MROH9: variants seen among roughly 807,000 people sequenced by gnomAD.
The protein encoded by MROH9 is maestro heat like repeat family member 9.
Under a neutral mutation model 98.2 loss-of-function variants are expected in MROH9, and 92 were observed. The ratio of observed to expected loss-of-function variants is 0.94; its 90% confidence interval spans 0.79 to 1.11. MROH9 has a LOEUF of 1.11. Ranked by LOEUF, MROH9 falls within the 50% of genes most tolerant of loss-of-function variation. MROH9 has a pLI of 0.00. For synonymous variants in MROH9, 397 were observed against 368.9 expected (o/e 1.08, Z -0.87); for missense variants, 1,057 against 1,014.8 (o/e 1.04, Z -0.57).
At chr1:171,046,184 C>A (rs914983025) in intron 20 of MROH9, among the ~76,000 whole-genome samples, 2 of 151,984 alleles carry the variant, frequency 1.3e-5, no homozygotes, top group African/African-American at 4.8e-5. Context: ...CTATGTGTGT[C>A]TTTATAGGTG....
chr1:170,944,767 T>C (rs1456994837), intron 1 of MROH9, among the ~76,000 whole-genome samples: 1 of 151,970 alleles, frequency 6.6e-6, no homozygotes, highest in African/African-American at 2.4e-5. Flanking sequence ...ATGTGGTAAG[T>C]AGAATTTTAA....
intron 9 of MROH9, among the ~76,000 whole-genome samples, chr1:170,984,823 G>A (rs1402601316): frequency 2.0e-5 from 3 of 152,144 alleles, no homozygotes; most frequent in African/African-American, 7.2e-5. Context: ...AACAGTAGCT[G>A]GAAAACCTGG....
chr1:170,988,688 T>C (rs1431052875), intron 10 of MROH9, among the ~76,000 whole-genome samples: 2 of 152,194 alleles, frequency 1.3e-5, no homozygotes, highest in African/African-American at 4.8e-5. Flanking sequence ...AAATGAGTTA[T>C]AAGGCTAAAA....
At chr1:170,945,836 T>G (rs56080155) in intron 2 of MROH9, among the ~76,000 whole-genome samples, 1 of 152,008 alleles carries the variant, frequency 6.6e-6, no homozygotes, top group African/African-American at 2.4e-5. Context: ...TAGAAACTAG[T>G]GATGAATTCA....
At chr1:170,998,499 T>A in intron 15 of MROH9, 1 of 1,479,668 alleles carries the variant, frequency 6.8e-7, no homozygotes, top group Non-Finnish European at 8.9e-7. Context: ...TTTCTCTGTT[T>A]CTAGGGGTGT....
At chr1:170,960,310 G>A (rs948629169) in intron 5 of MROH9, among the ~76,000 whole-genome samples, 1 of 152,114 alleles carries the variant, frequency 6.6e-6, no homozygotes, top group Non-Finnish European at 1.5e-5. Flanking sequence ...GCTACCTGAG[G>A]ATACCCAGAG....
chr1:170,991,953 A>G (rs1287260518), intron 11 of MROH9, among the ~76,000 whole-genome samples: 1 of 152,140 alleles, frequency 6.6e-6, no homozygotes, highest in African/African-American at 2.4e-5. Context: ...ATTTTCCATA[A>G]GGTTTTATTT....
intron 20 of MROH9, among the ~76,000 whole-genome samples, chr1:171,059,994 GAGAA>G (rs1310675267): frequency 6.6e-6 from 1 of 151,578 alleles, no homozygotes; most frequent in Non-Finnish European, 1.5e-5. Flanking sequence ...ATGATGGAAA[GAGAA>G]AGAAAATAAA....
chr1:171,024,383 T>C lies in MROH9; in HGVS notation c.1909-12T>C, dbSNP rs1044901821. On this transcript the variant is annotated splice_polypyrimidine_tract_variant and intron_variant, in intron 17 of 21. Transcript: ENST00000367759. ...TAATATTATCCTCAAATAAGGCCTT[T>C]GTCTTTTACAGATTAATGGAGGCAT... 17 of 1,550,752 alleles carry C rather than the reference T, an allele frequency of 1.1e-5. No homozygotes were observed. Among genetic ancestry groups the C allele is most frequent in the Admixed American group, 3.9e-5 (2 of 50,906 alleles).
intron 3 of MROH9, among the ~76,000 whole-genome samples, chr1:170,952,213 CTA>C (rs1287424016): frequency 6.6e-6 from 1 of 151,836 alleles, no homozygotes; most frequent in Non-Finnish European, 1.5e-5. Flanking sequence ...GGATCTAGAA[CTA>C]GAAATACCAT....
At chr1:170,935,850 G>T (rs1198044258) in intron 1 of MROH9, among the ~76,000 whole-genome samples, 1 of 151,568 alleles carries the variant, frequency 6.6e-6, no homozygotes, top group East Asian at 1.9e-4. Context: ...AAATTAGCTG[G>T]GTGTGGTGGC....
chr1:171,051,733 C>T (rs1653670491), intron 20 of MROH9, among the ~76,000 whole-genome samples: 1 of 152,050 alleles, frequency 6.6e-6, no homozygotes, highest in Non-Finnish European at 1.5e-5. Flanking sequence ...CACATGTATC[C>T]CAGAACTTAA....
At chr1:171,033,101 G>A (rs1381827288) in intron 20 of MROH9, among the ~76,000 whole-genome samples, 1 of 152,234 alleles carries the variant, frequency 6.6e-6, no homozygotes, top group Non-Finnish European at 1.5e-5. Flanking sequence ...CAAGTCTTGG[G>A]ACCAAGCCAT....
intron 11 of MROH9, among the ~76,000 whole-genome samples, chr1:170,990,286 C>T (rs1441431859): frequency 6.6e-6 from 1 of 152,178 alleles, no homozygotes; most frequent in Non-Finnish European, 1.5e-5. Flanking sequence ...TGTTGCACAT[C>T]CCAGAGGAAC....
chr1:170,976,541 G>T (rs1343858807), intron 8 of MROH9, among the ~76,000 whole-genome samples: 3 of 152,056 alleles, frequency 2.0e-5, no homozygotes, highest in African/African-American at 7.2e-5. Context: ...GAGGCCAGGA[G>T]TTTGAAACCA....
chr1:170,956,547 A>G (rs1366105369), intron 3 of MROH9, among the ~76,000 whole-genome samples: 2 of 118,736 alleles, frequency 1.7e-5, no homozygotes, highest in African/African-American at 6.9e-5. Context: ...GGTTAGGTAT[A>G]TTCCTAAGTT....
chr1:170,948,054 T>C lies in MROH9; in HGVS notation c.72+481T>C, dbSNP rs551891186. Among the ~76,000 whole-genome samples, 4 of 152,160 alleles carry C rather than the reference T, an allele frequency of 2.6e-5. No homozygotes were observed. The East Asian group carries it at 5.8e-4, about 22-fold the overall frequency. ...TTCTAGGCCTTTTGCAGATTTCTTGTCTTTGATCTCTTGAGAGCAGAGATT... is the reference window on the plus strand; with the variant it reads ...TTCTAGGCCTTTTGCAGATTTCTTGCCTTTGATCTCTTGAGAGCAGAGATT... On this transcript the variant is annotated intron_variant, in intron 3 of 21. Transcript: ENST00000367759.
At chr1:171,004,558 G>A (rs759090199) in intron 15 of MROH9, among the ~76,000 whole-genome samples, 18 of 152,302 alleles carry the variant, frequency 1.2e-4, no homozygotes, top group Non-Finnish European at 2.6e-4. Context: ...GGAAAGGAGG[G>A]TCTCCCTTTC....
chr1:171,062,227 C>T, intron 21 of MROH9, 33 bp downstream of exon 21: 6 of 1,407,002 alleles, frequency 4.3e-6, no homozygotes, highest in Non-Finnish European at 5.9e-6. Context: ...AATCTTTATG[C>T]ATAAATCTAA....
Sources: gnomAD v4.1 joint callset for allele counts (sites outside exome capture counted in the v4.1 genomes callset) on GRCh38, gnomAD v4.1.1 for gene constraint, MANE v1.5 for transcripts, NCBI Gene and HGNC (gene_info 2026-07-23, HGNC 2026-07-21) for gene names.